The following ZNF717 variants were observed in gnomAD, a reference collection of about 807,000 sequenced individuals.
ZNF717 encodes krueppel-like factor X17.
A neutral mutation model predicts 13.8 loss-of-function variants in ZNF717; 9 were observed. The ratio of observed to expected loss-of-function variants is 0.65; its 90% CI spans 0.39 to 1.14. ZNF717 has a LOEUF of 1.14. Ranked by LOEUF, ZNF717 falls within the 50% of genes most tolerant of loss-of-function variation. The pLI is 0.01. For missense variants in ZNF717, 1,040 were observed against 1,080.7 expected (o/e 0.96, Z 0.53); for synonymous variants, 327 against 364.1 (o/e 0.90, Z 1.16).
chr3:75,700,395 A>AAAC (rs1937668172), intron 6 of ZNF717, among the ~76,000 whole-genome samples: 1 of 151,596 alleles, frequency 6.6e-6, no homozygotes, highest in Non-Finnish European at 1.5e-5. Flanking sequence ...ACCATCGAAA[A>AAAC]AAAAAAAAAA....
chr3:75,724,485 C>T (rs1279003623), intron 4 of ZNF717, among the ~76,000 whole-genome samples: 274 of 151,230 alleles, frequency 1.8e-3, no homozygotes, highest in African/African-American at 6.1e-3. Context: ...TCCAAAAGTG[C>T]TGGGATTACA....
At chr3:75,716,869 A>G (rs1176785862) in intron 4 of ZNF717, among the ~76,000 whole-genome samples, 4 of 152,214 alleles carry the variant, frequency 2.6e-5, no homozygotes, top group Admixed American at 2.6e-4. Flanking sequence ...TTCATCTGAG[A>G]AAGCCAGTTT....
chr3:75,714,611 C>T (rs910034327), intron 5 of ZNF717, among the ~76,000 whole-genome samples: 8 of 151,522 alleles, frequency 5.3e-5, no homozygotes, highest in Non-Finnish European at 1.2e-4. Context: ...TGCCTCGGCA[C>T]CTGGGTGGCT....
intron 2 of ZNF717, among the ~76,000 whole-genome samples, chr3:75,765,016 T>C (rs1229863855): frequency 2.2e-5 from 1 of 45,714 alleles, no homozygotes; most frequent in South Asian, 5.1e-4. Flanking sequence ...TATATATATA[T>C]ATATATATAT....
downstream of ZNF717, among the ~76,000 whole-genome samples, chr3:75,734,724 C>T (rs749966783): frequency 4.0e-3 from 492 of 122,156 alleles, no homozygotes; most frequent in Non-Finnish European, 4.8e-3. Context: ...CATAAGCCAC[C>T]GTACCTGGCT....
downstream of ZNF717, among the ~76,000 whole-genome samples, chr3:75,733,937 A>G (rs2106942473): frequency 6.6e-6 from 1 of 152,118 alleles, no homozygotes; most frequent in Middle Eastern, 3.4e-3. Flanking sequence ...TAAATGAGAA[A>G]TAAAACATTC....
chr3:75,765,013 A>ATGTGTG (rs1559661747), intron 2 of ZNF717, among the ~76,000 whole-genome samples: 4 of 19,562 alleles, frequency 2.0e-4, no homozygotes, highest in African/African-American at 5.7e-4. Flanking sequence ...ATATATATAT[A>ATGTGTG]TATATATATA....
downstream of ZNF717, among the ~76,000 whole-genome samples, chr3:75,726,940 A>G (rs1176932623): frequency 8.7e-5 from 13 of 150,250 alleles, no homozygotes; most frequent in Non-Finnish European, 7.4e-5. Flanking sequence ...GAACATTTTA[A>G]TCAATAATGA....
At chr3:75,755,604 T>C (rs1230042558) in intron 2 of ZNF717, among the ~76,000 whole-genome samples, 1 of 152,232 alleles carries the variant, frequency 6.6e-6, no homozygotes, top group Admixed American at 6.5e-5. Flanking sequence ...TCAGGTGTTT[T>C]CTTTGTTAAG....
chr3:75,699,034 T>C (rs1478426797), intron 6 of ZNF717, among the ~76,000 whole-genome samples: 1 of 152,312 alleles, frequency 6.6e-6, no homozygotes, highest in Non-Finnish European at 1.5e-5. Flanking sequence ...ATAATTATTT[T>C]GGAGCCTTAC....
intron 2 of ZNF717, among the ~76,000 whole-genome samples, chr3:75,762,530 C>G (rs1490247846): frequency 1.4e-5 from 2 of 142,582 alleles, no homozygotes; most frequent in East Asian, 2.0e-4. Context: ...ATTTGAACAC[C>G]AAAAACTACA....
downstream of ZNF717, among the ~76,000 whole-genome samples, chr3:75,726,061 T>C (rs144172765): frequency 0.083 from 6,935 of 83,362 alleles, no homozygotes; most frequent in Middle Eastern, 0.13. Flanking sequence ...CTCAGTAAGA[T>C]AGCTACTCTT....
At chr3:75,784,055 GAC>G (rs1263694225) in intron 1 of ZNF717, among the ~76,000 whole-genome samples, 1 of 152,070 alleles carries the variant, frequency 6.6e-6, no homozygotes, top group Non-Finnish European at 1.5e-5. Context: ...TGCCTTTTTG[GAC>G]ACAGTCATAT....
downstream of ZNF717, among the ~76,000 whole-genome samples, chr3:75,730,997 T>C (rs1938503230): frequency 6.6e-6 from 1 of 152,152 alleles, no homozygotes. Flanking sequence ...TCCCAGCACT[T>C]TGGGAGACCG....
chr3:75,783,574 T>C (rs1376149033), intron 1 of ZNF717, among the ~76,000 whole-genome samples: 3 of 152,244 alleles, frequency 2.0e-5, no homozygotes, highest in Non-Finnish European at 4.4e-5. Flanking sequence ...CATTAATTGG[T>C]AGACATTAGA....
chr3:75,729,732 T>C (rs1176541274), downstream of ZNF717, among the ~76,000 whole-genome samples: 3 of 151,544 alleles, frequency 2.0e-5, no homozygotes, highest in African/African-American at 7.3e-5. Flanking sequence ...GGGAAAAATA[T>C]GATGGAGGGG....
intron 2 of ZNF717, among the ~76,000 whole-genome samples, chr3:75,772,279 C>T (rs867184412): frequency 3.9e-5 from 6 of 152,378 alleles, no homozygotes; most frequent in Admixed American, 3.9e-4. Flanking sequence ...TACTTGCCCA[C>T]GTACCTCATT....
At chr3:75,715,946 T>C (rs1260153698) in intron 5 of ZNF717, among the ~76,000 whole-genome samples, 1 of 150,990 alleles carries the variant, frequency 6.6e-6, no homozygotes, top group Non-Finnish European at 1.5e-5. Context: ...TGTTTGAGAA[T>C]GCGATTCTGG....
At position 75,737,212 on chromosome 3, in the gene ZNF717, T is replaced by G; in HGVS notation, c.2411A>C (p.His804Pro). Residue 804 changes from histidine to proline, a missense_variant, in exon 5 of 5, where the codon CAT becomes CCT. Physicochemically the swap from His to Pro is moderately conservative, Grantham distance 77. Around this residue, in one of 3 missense-constraint regions of ZNF717, gnomAD observed 873 missense variants for 832.8 expected, o/e 1.05. Coordinates refer to ENST00000652011, the MANE Select transcript of ZNF717 (RefSeq NM_001290208.3). ...TFYDKTVLTI[H>P]QRTHTGEKPF... ...CTTCTCACCTGTGTGAGTTCTCTGA[T>G]GTATGGTGAGAACTGTCTTATCGTA... The G allele has an allele frequency of 6.4e-7, 1 of 1,554,142 alleles. No individual in the cohort carries two copies. Among genetic ancestry groups the G allele is most frequent in the Non-Finnish European group, 8.7e-7 (1 of 1,148,580 alleles).
Sources: allele counts gnomAD v4.1 joint callset (sites outside exome capture counted in the v4.1 genomes callset), GRCh38; gene constraint gnomAD v4.1.1; regional missense constraint gnomAD v4.1.1; transcripts MANE v1.5; gene names NCBI Gene and HGNC (gene_info 2026-07-23, HGNC 2026-07-21).